Variants in FRMPD4 observed in about 807,000 individuals in gnomAD.
FRMPD4 encodes the protein FERM and PDZ domain containing 4.
Under a neutral mutation model 94.1 loss-of-function variants are expected in FRMPD4, and 22 were observed. The observed-to-expected ratio is 0.23, with a 90% CI of 0.17 to 0.33. The LOEUF is 0.33. Among genes scored for constraint, FRMPD4 ranks in the 10% least tolerant of loss-of-function variants. FRMPD4 has a pLI of 1.00. For missense variants in FRMPD4, 1,111 were observed against 1,339.9 expected, an observed-to-expected ratio of 0.83 and a Z score of 2.67; for synonymous variants, 631 against 548.6, an observed-to-expected ratio of 1.15 and a Z score of -2.10.
chrX:12,514,220 G>T (rs903574943), intron 2 of FRMPD4, among the ~76,000 whole-genome samples: 1 of 110,839 alleles, frequency 9.0e-6, no homozygotes, highest in Admixed American at 9.6e-5. Context: ...TCTTTCTCTT[G>T]CCTGATTGCC....
At chrX:12,619,631 T>C (rs1172172795) in intron 4 of FRMPD4, among the ~76,000 whole-genome samples, 3 of 111,933 alleles carry the variant, frequency 2.7e-5, no homozygotes, top group African/African-American at 9.7e-5. Flanking sequence ...TGTTTGGCCT[T>C]AGTCCTACCA....
intron 3 of FRMPD4, among the ~76,000 whole-genome samples, chrX:11,964,856 A>T (rs1601860077): frequency 8.9e-6 from 1 of 112,919 alleles, no homozygotes; most frequent in Non-Finnish European, 1.9e-5. Context: ...GCATGGCATC[A>T]TCTCTTTCTG....
rs2042248222 is a variant in FRMPD4 at position 12,721,936 on chromosome X, A to T, written c.*78A>T. On this transcript the variant is annotated 3_prime_UTR_variant, in exon 17 of 17. Coordinates refer to ENST00000675598, the MANE Select transcript of FRMPD4 (RefSeq NM_001368397.1). ...TTTACTTTGTGTGTATGATGAACAG[A>T]TGTCTCCTTTCTTCTCTCTGTATAT... The T allele has an allele frequency of 2.6e-6, 1 of 391,841 alleles. No homozygotes were observed. The highest frequency in any genetic ancestry group is 3.2e-6 in the Non-Finnish European group (1 of 308,003). The allele number at this position is 391,841 out of a possible 1,213,427, so 32.3% of individuals were successfully genotyped here.
chrX:12,538,862 T>C (rs1392130129), intron 2 of FRMPD4, among the ~76,000 whole-genome samples: 2 of 111,261 alleles, frequency 1.8e-5, no homozygotes, highest in East Asian at 2.8e-4. Context: ...GGAAAAAACA[T>C]AGCAGAAAAG....
At position 12,721,521 on chromosome X, in the gene FRMPD4, G is replaced by C. The variant is rs1008576307; in HGVS notation, c.4952G>C (p.Arg1651Thr). Residue 1651 changes from arginine to threonine, a missense_variant, in exon 17 of 17, where the codon AGA (arginine) becomes ACA (threonine). By Grantham distance (71) the Arg-to-Thr change is moderately conservative. Transcript: ENST00000675598. ...QYKQLLSIES[R>T]QLGSACRKMA... The stretch of plus-strand genomic sequence containing the variant: ...AAGCAACTGTTATCCATTGAGTCCA[G>C]ACAGTTGGGAAGTGCCTGTAGGAAA... 2.7e-6 allele frequency: 2 copies of C among 752,736 alleles called. No individual in the cohort carries two copies. The highest frequency in any genetic ancestry group is 3.1e-6 in the Non-Finnish European group (2 of 637,974). The allele number at this position is 752,736 out of a possible 1,213,427, so 62.0% of individuals were successfully genotyped here. A position where few individuals can be genotyped will look rare whatever the true frequency, so the allele number is the denominator to read the frequency against.
intron 3 of FRMPD4, among the ~76,000 whole-genome samples, chrX:11,888,331 A>C (rs1475405346): frequency 9.0e-6 from 1 of 111,730 alleles, no homozygotes; most frequent in Non-Finnish European, 1.9e-5. Flanking sequence ...CACATTTTTT[A>C]CCTGTATTAC....
chrX:11,849,678 GTT>G (rs200493437), intron 1 of FRMPD4, among the ~76,000 whole-genome samples: 10 of 98,207 alleles, frequency 1.0e-4, no homozygotes, highest in Non-Finnish European at 1.7e-4. Context: ...GAAAGGACAG[GTT>G]TTTTTTTTTT....
intron 1 of FRMPD4, among the ~76,000 whole-genome samples, chrX:12,355,425 C>T (rs1215195301): frequency 1.8e-5 from 2 of 112,059 alleles, no homozygotes; most frequent in Non-Finnish European, 3.8e-5. Flanking sequence ...AGCAATCCTC[C>T]TGCCTTGGCC....
At chrX:12,692,422 T>A (rs1473921302) in intron 8 of FRMPD4, among the ~76,000 whole-genome samples, 1 of 112,352 alleles carries the variant, frequency 8.9e-6, no homozygotes, top group African/African-American at 3.2e-5. Context: ...ATGATAAAAG[T>A]GGAGAGTAAG....
At chrX:12,056,341 G>A (rs1358807872) in intron 3 of FRMPD4, among the ~76,000 whole-genome samples, 10 of 111,910 alleles carry the variant, frequency 8.9e-5, no homozygotes, top group Non-Finnish European at 1.7e-4. Context: ...GACAAAAAGG[G>A]CTAATCTAAT....
intron 1 of FRMPD4, among the ~76,000 whole-genome samples, chrX:11,840,672 T>C (rs2053529526): frequency 9.1e-6 from 1 of 109,913 alleles, no homozygotes; most frequent in African/African-American, 3.3e-5. Flanking sequence ...ATGGTAGCTA[T>C]AAGTGATTTT....
intron 3 of FRMPD4, among the ~76,000 whole-genome samples, chrX:12,046,732 A>G (rs1165897560): frequency 8.9e-6 from 1 of 112,284 alleles, no homozygotes; most frequent in East Asian, 2.8e-4. Flanking sequence ...CTCCCTGGGC[A>G]CACCACCCTC....
intron 1 of FRMPD4, among the ~76,000 whole-genome samples, chrX:12,192,392 A>C: frequency 8.9e-6 from 1 of 111,954 alleles, no homozygotes; most frequent in East Asian, 2.8e-4. Flanking sequence ...TTTAGTTACC[A>C]AGAGGTATTT....
intron 1 of FRMPD4, among the ~76,000 whole-genome samples, chrX:12,422,498 G>GGATC (rs1178475485): frequency 9.0e-6 from 1 of 111,665 alleles, no homozygotes; most frequent in African/African-American, 3.3e-5. Flanking sequence ...GAATAAACTA[G>GGATC]GATCGTTTGA....
chrX:11,852,549 T>C (rs2053630714), intron 1 of FRMPD4, among the ~76,000 whole-genome samples: 1 of 111,199 alleles, frequency 9.0e-6, no homozygotes, highest in Admixed American at 9.6e-5. Context: ...CTATATGCTA[T>C]CCTGTAGAAT....
intron 2 of FRMPD4, among the ~76,000 whole-genome samples, chrX:12,534,427 C>T (rs1230851482): frequency 8.9e-6 from 1 of 111,996 alleles, no homozygotes; most frequent in Non-Finnish European, 1.9e-5. Context: ...AAGAAGCCCA[C>T]CATCCTTCAG....
At chrX:12,038,037 T>C (rs2054729798) in intron 3 of FRMPD4, among the ~76,000 whole-genome samples, 1 of 112,075 alleles carries the variant, frequency 8.9e-6, no homozygotes, top group Non-Finnish European at 1.9e-5. Flanking sequence ...ACCAATTGAT[T>C]TGGTATTTAT....
chrX:12,048,963 A>C (rs189178406), intron 3 of FRMPD4, among the ~76,000 whole-genome samples: 50 of 111,555 alleles, frequency 4.5e-4, no homozygotes, highest in African/African-American at 1.6e-3. Flanking sequence ...TGCTTTGTCT[A>C]TTCAGGCTCT....
chrX:12,272,827 T>C (rs1257547036), intron 1 of FRMPD4, among the ~76,000 whole-genome samples: 1 of 111,744 alleles, frequency 8.9e-6, no homozygotes, highest in Non-Finnish European at 1.9e-5. Flanking sequence ...CCTAACACTT[T>C]GGAGGGCGAG....
Sources: gnomAD v4.1 joint callset for allele counts (sites outside exome capture counted in the v4.1 genomes callset) on GRCh38, gnomAD v4.1.1 for gene constraint, MANE v1.5 for transcripts, NCBI Gene and HGNC (gene_info 2026-07-23, HGNC 2026-07-21) for gene names.